Variants in TMEM11 observed in about 807,000 individuals in gnomAD.
The protein encoded by TMEM11 is transmembrane protein 11, mitochondrial.
TMEM11 carries 1 observed loss-of-function variant against 17.0 expected under a neutral mutation model. That is an observed-to-expected ratio of 0.06 (90% CI 0.02 to 0.28). The LOEUF (loss-of-function observed/expected upper bound fraction) is 0.28. TMEM11 is among the 10% of genes least tolerant of loss of function. The probability of loss-of-function intolerance (pLI) is 1.00; values close to 1 mark genes in which losing one functional copy is unlikely to be tolerated. For missense variants in TMEM11, 172 were observed against 252.9 expected (o/e 0.68, Z 2.17); for synonymous variants, 122 against 118.1 (o/e 1.03, Z -0.21).
chr17:21,207,519 G>A (rs1391920549), intron 1 of TMEM11, among the ~76,000 whole-genome samples: 1 of 151,062 alleles, frequency 6.6e-6, no homozygotes, highest in Non-Finnish European at 1.5e-5. Context: ...CAAAGTGAGA[G>A]TCCGTCTCAA....
chr17:21,209,037 G>A (rs939119112), intron 1 of TMEM11, among the ~76,000 whole-genome samples: 1 of 152,228 alleles, frequency 6.6e-6, no homozygotes, highest in African/African-American at 2.4e-5. Context: ...AGAAAGCAGA[G>A]GACTGAAGCA....
intron 1 of TMEM11, among the ~76,000 whole-genome samples, chr17:21,207,003 T>C (rs756512625): frequency 1.3e-4 from 20 of 152,120 alleles, no homozygotes; most frequent in African/African-American, 4.8e-4. Context: ...CTGTACCAAT[T>C]AGTGGTCCCT....
At chr17:21,210,305 C>T (rs890062015) in intron 1 of TMEM11, among the ~76,000 whole-genome samples, 5 of 152,170 alleles carry the variant, frequency 3.3e-5, no homozygotes, top group East Asian at 1.9e-4. Flanking sequence ...TCCTTACCTA[C>T]GAATCCAACT....
chr17:21,214,132 C>A lies in TMEM11; in HGVS notation c.21G>T (p.Arg7Ser). 1 of 1,612,438 alleles carries A rather than the reference C, an allele frequency of 6.2e-7. No individual in the cohort carries two copies. The highest frequency in any genetic ancestry group is 1.1e-5 in the South Asian group (1 of 90,946). Residue 7 changes from arginine (R) to serine (S), a missense_variant, in exon 1 of 2, where the codon AGG becomes AGT. Coordinates refer to ENST00000317635, the MANE Select transcript of TMEM11 (RefSeq NM_003876.3). Reference sequence around the variant, plus strand: ...CGCCACTGCTGCCCGGGCCAAGACGCCTCCTTCCCCAAGCGGCCATCTTGG... The same window carrying A: ...CGCCACTGCTGCCCGGGCCAAGACGACTCCTTCCCCAAGCGGCCATCTTGG... MAAWGR[R>S]RLGPGSSGGS... is the part of the protein sequence containing the mutation.
At chr17:21,212,500 A>T (rs556797099) in intron 1 of TMEM11, among the ~76,000 whole-genome samples, 2 of 152,222 alleles carry the variant, frequency 1.3e-5, no homozygotes, top group Non-Finnish European at 2.9e-5. Flanking sequence ...GCTGGCAACT[A>T]ATTTAAATTC....
chr17:21,213,904 C>T (rs75863764), intron 1 of TMEM11, 187 bp downstream of exon 1: 1 of 609,016 alleles, frequency 1.6e-6, no homozygotes, highest in Non-Finnish European at 2.8e-6. Context: ...AGCTCTCCGC[C>T]GAGGCCTTCG....
chr17:21,206,092 T>C (rs1232318974), intron 1 of TMEM11, among the ~76,000 whole-genome samples: 1 of 151,980 alleles, frequency 6.6e-6, no homozygotes, highest in Non-Finnish European at 1.5e-5. Flanking sequence ...CTGGATCATA[T>C]AGCAGTTCAA....
intron 1 of TMEM11, among the ~76,000 whole-genome samples, chr17:21,201,975 C>T (rs1225421596): frequency 6.6e-6 from 1 of 152,182 alleles, no homozygotes; most frequent in Admixed American, 6.5e-5. Flanking sequence ...ACAAGCACAC[C>T]CAAAGCAGGG....
chr17:21,213,515 C>G (rs549561463), intron 1 of TMEM11: 3 of 153,266 alleles, frequency 2.0e-5, no homozygotes, highest in African/African-American at 7.2e-5. Flanking sequence ...CAGAACCATC[C>G]AAAAGTCTTC....
Position 21,198,269 on chromosome 17 carries a change from C to T in TMEM11, c.*55G>A. 1 of 1,564,402 alleles carries T rather than the reference C, an allele frequency of 6.4e-7. No individual in the cohort carries two copies. The highest frequency in any genetic ancestry group is 2.3e-5 in the East Asian group (1 of 44,290). On this transcript the variant is annotated 3_prime_UTR_variant, in exon 2 of 2. Coordinates refer to ENST00000317635, the MANE Select transcript of TMEM11 (RefSeq NM_003876.3). The surrounding 1 kb of genome is among the most constrained non-coding windows in gnomAD (Gnocchi z 6.5). Reference sequence around the variant, plus strand: ...CTCACAGAGTGTGGCGATCTGAATACTCTGTTGTCTCTTGTGGGCCGGGTG... The same window carrying T: ...CTCACAGAGTGTGGCGATCTGAATATTCTGTTGTCTCTTGTGGGCCGGGTG...
intron 1 of TMEM11, among the ~76,000 whole-genome samples, chr17:21,209,445 A>C (rs1198679896): frequency 1.3e-5 from 2 of 152,196 alleles, no homozygotes; most frequent in African/African-American, 2.4e-5. Context: ...GTTGAAATTT[A>C]AATTAATTAA....
At chr17:21,213,991 G>T in intron 1 of TMEM11, 100 bp downstream of exon 1, 1 of 1,165,190 alleles carries the variant, frequency 8.6e-7, no homozygotes, top group African/African-American at 1.6e-5. Context: ...GGAGCGCGGG[G>T]AAACCAGGGA....
intron 1 of TMEM11, 118 bp downstream of exon 1, chr17:21,213,973 G>C (rs1259575100): frequency 1.3e-5 from 13 of 1,010,204 alleles, no homozygotes; most frequent in South Asian, 3.2e-5. Flanking sequence ...TGCCCGGCGA[G>C]GGTAGGGGGA....
At chr17:21,209,780 A>T (rs1974982885) in intron 1 of TMEM11, among the ~76,000 whole-genome samples, 1 of 152,134 alleles carries the variant, frequency 6.6e-6, no homozygotes, top group African/African-American at 2.4e-5. Flanking sequence ...AAAATAAATA[A>T]ATAAATGAAA....
chr17:21,213,072 G>C (rs185419328), intron 1 of TMEM11: 1 of 152,346 alleles, frequency 6.6e-6, no homozygotes, highest in East Asian at 1.9e-4. Context: ...ATGAACACGG[G>C]ATGGAATCAG....
Position 21,198,469 on chromosome 17 carries a change from C to G in TMEM11, c.434G>C (p.Arg145Pro). The change falls in exon 2 of 2, where the codon CGC (arginine) becomes CCC (proline). Residue 145 changes from arginine to proline, a missense_variant. Arg to Pro is a moderately radical substitution (Grantham distance 103). This residue lies in a region of TMEM11 where 123 missense variants were observed against 213.6 expected (regional missense o/e 0.58). Coordinates refer to ENST00000317635, the MANE Select transcript of TMEM11 (RefSeq NM_003876.3). This position sits in a 1 kb window ranked among gnomAD's most constrained non-coding sequence, Gnocchi z 6.5. ...GGAGGTGAGTGTGTGCAGAGGCAGGCGCGACAGTTTATAGGCGTCGTACTC... is the reference window on the plus strand; with the variant it reads ...GGAGGTGAGTGTGTGCAGAGGCAGGGGCGACAGTTTATAGGCGTCGTACTC... ...QVEYDAYKLS[R>P]LPLHTLTSST... The G allele has an allele frequency of 6.2e-7, 1 of 1,614,214 alleles. No individual in the cohort carries two copies. Among genetic ancestry groups the G allele is most frequent in the Non-Finnish European group, 8.5e-7 (1 of 1,180,034 alleles).
At chr17:21,207,874 GCGAGACATTGTCTCAAAAGAAA>G (rs1359505466) in intron 1 of TMEM11, among the ~76,000 whole-genome samples, 4 of 151,872 alleles carry the variant, frequency 2.6e-5, no homozygotes, top group Admixed American at 1.3e-4. Context: ...GGGGACAAGA[GCGAGACATTGTCTCAAAAGAAA>G]CAAGAAAATA....
In TMEM11 at chr17:21,210,043, C is replaced by T. The variant is rs534380456; in HGVS notation, c.62+4048G>A. On this transcript the variant is annotated intron_variant, in intron 1 of 1. Coordinates refer to ENST00000317635, the MANE Select transcript of TMEM11 (RefSeq NM_003876.3). ...TGGAGTGCTGCCCAACTCCACCCCC[C>T]GCACCTCGCTCATTGAAGAACAGGT... Among the ~76,000 whole-genome samples the T allele has an allele frequency of 1.1e-3, 174 of 152,332 alleles. 1 individual carries two copies. Among genetic ancestry groups the T allele is most frequent in the African/African-American group, 3.8e-3 (157 of 41,574 alleles).
At chr17:21,207,083 T>A (rs1269824713) in intron 1 of TMEM11, among the ~76,000 whole-genome samples, 1 of 152,208 alleles carries the variant, frequency 6.6e-6, no homozygotes, top group Non-Finnish European at 1.5e-5. Flanking sequence ...ATTCTGGGTA[T>A]TTCATTTAAA....
Sources: gnomAD v4.1 joint callset for allele counts (sites outside exome capture counted in the v4.1 genomes callset) on GRCh38, gnomAD v4.1.1 for gene constraint, gnomAD v4.1.1 regional missense constraint, Gnocchi (gnomAD v3.1) non-coding constraint, MANE v1.5 for transcripts, NCBI Gene and HGNC (gene_info 2026-07-23, HGNC 2026-07-21) for gene names.